NREP: variants seen among roughly 807,000 people sequenced by gnomAD.
NREP encodes neuronal regeneration related protein, also known as neuronal regeneration-related protein.
In NREP, 5 loss-of-function variants were observed where a neutral mutation model predicts 8.6. The ratio of observed to expected loss-of-function variants is 0.58; its 90% CI spans 0.30 to 1.22. The LOEUF (loss-of-function observed/expected upper bound fraction) is 1.22. Among genes scored for constraint, NREP ranks in the 50% most tolerant of loss-of-function variants. The pLI, the probability that NREP is intolerant of heterozygous loss-of-function variation, is 0.07. For missense variants in NREP, 86 were observed against 82.5 expected (o/e 1.04, Z -0.17); for synonymous variants, 27 against 28.0 (o/e 0.96, Z 0.11).
At chr5:111,962,710 C>T (rs1756512754) in intron 2 of NREP, among the ~76,000 whole-genome samples, 1 of 152,148 alleles carries the variant, frequency 6.6e-6, no homozygotes, top group Admixed American at 6.5e-5. Flanking sequence ...TGCCCCATCC[C>T]CCATTCTGTG....
intron 2 of NREP, among the ~76,000 whole-genome samples, chr5:111,945,618 C>T (rs1439360600): frequency 6.6e-6 from 1 of 151,970 alleles, no homozygotes; most frequent in Non-Finnish European, 1.5e-5. Flanking sequence ...AAGTGACATA[C>T]TGTAATCTCA....
intron 2 of NREP, among the ~76,000 whole-genome samples, chr5:111,877,461 T>C (rs1420230090): frequency 6.6e-6 from 1 of 152,206 alleles, no homozygotes; most frequent in South Asian, 2.1e-4. Context: ...CTTCAAAAAA[T>C]AGAGATTTGC....
intron 2 of NREP, among the ~76,000 whole-genome samples, chr5:111,771,182 T>C (rs1486864350): frequency 1.3e-5 from 2 of 152,088 alleles, no homozygotes; most frequent in African/African-American, 2.4e-5. Context: ...ACATGAATGA[T>C]GGAAGGGAAG....
intron 2 of NREP, among the ~76,000 whole-genome samples, chr5:111,794,530 G>A (rs991469521): frequency 2.0e-5 from 3 of 152,108 alleles, no homozygotes; most frequent in African/African-American, 4.8e-5. Flanking sequence ...GAAAAGACGC[G>A]AAGGAAACTT....
chr5:111,815,686 G>T (rs1368245727), intron 2 of NREP, among the ~76,000 whole-genome samples: 5 of 151,718 alleles, frequency 3.3e-5, no homozygotes, highest in African/African-American at 1.2e-4. Flanking sequence ...ATGGAAGATG[G>T]ATCAGTAAAA....
chr5:111,872,849 A>G lies in NREP; in HGVS notation c.135+102425T>C, dbSNP rs142496178. Among the ~76,000 whole-genome samples, 200 of 152,284 alleles carry G rather than the reference A, an allele frequency of 1.3e-3. 2 individuals are homozygous for G. The highest frequency in any genetic ancestry group is 4.7e-3 in the African/African-American group (194 of 41,568). On this transcript the variant is annotated intron_variant, in intron 2 of 3. Coordinates refer to the NREP transcript ENST00000395634. ...GTAGTTAGCCCTAACACTTCTCAGA[A>G]GTTTTCCTGGATTACATTAGCTACC...
intron 2 of NREP, among the ~76,000 whole-genome samples, chr5:111,894,009 G>A (rs1754452101): frequency 6.6e-6 from 1 of 152,074 alleles, no homozygotes; most frequent in South Asian, 2.1e-4. Context: ...CTTGAGGTCA[G>A]GAGTTCAAGA....
rs538461214 is a variant in NREP at position 111,799,710 on chromosome 5, G to C, written c.136-64203C>G. Among the ~76,000 whole-genome samples, 7 of 152,280 alleles carry C rather than the reference G, an allele frequency of 4.6e-5. No individual in the cohort carries two copies. In the South Asian group the frequency reaches 1.2e-3, roughly 27 times the overall value. On this transcript the variant is annotated intron_variant, in intron 2 of 3. Coordinates refer to the NREP transcript ENST00000395634. Reference sequence around the variant, plus strand: ...GTTATTTCCGATTTAAGGCTGCCTAGAGGACATAGTTACTTACTTATGCGT... The same window carrying C: ...GTTATTTCCGATTTAAGGCTGCCTACAGGACATAGTTACTTACTTATGCGT...
intron 2 of NREP, chr5:111,912,816 T>C (rs1400372414): frequency 6.6e-6 from 1 of 152,118 alleles, no homozygotes; most frequent in Non-Finnish European, 1.5e-5. Flanking sequence ...AGTTAATCAA[T>C]AAATGAAGGA....
At chr5:111,766,404 C>G (rs187198497) in intron 2 of NREP, among the ~76,000 whole-genome samples, 1 of 152,290 alleles carries the variant, frequency 6.6e-6, no homozygotes, top group East Asian at 1.9e-4. Flanking sequence ...TGCCTTAAAA[C>G]CTCCAGCTAT....
chr5:111,921,612 T>C (rs1394687943), intron 2 of NREP, among the ~76,000 whole-genome samples: 3 of 152,158 alleles, frequency 2.0e-5, no homozygotes, highest in African/African-American at 7.2e-5. Flanking sequence ...CAATGTCCTT[T>C]AAACTTTTTG....
intron 2 of NREP, among the ~76,000 whole-genome samples, chr5:111,871,168 T>C (rs1279804975): frequency 6.6e-6 from 1 of 151,664 alleles, no homozygotes; most frequent in Non-Finnish European, 1.5e-5. Flanking sequence ...TATCATAGAG[T>C]GTACATACAC....
intron 2 of NREP, among the ~76,000 whole-genome samples, chr5:111,951,283 C>G (rs1756152729): frequency 6.6e-6 from 1 of 151,978 alleles, no homozygotes; most frequent in South Asian, 2.1e-4. Context: ...TAGTGGACAC[C>G]TAGGTTTCTA....
At chr5:111,777,746 T>C (rs1470463836) in intron 2 of NREP, among the ~76,000 whole-genome samples, 1 of 152,034 alleles carries the variant, frequency 6.6e-6, no homozygotes, top group Non-Finnish European at 1.5e-5. Context: ...ACTGGCAAAG[T>C]TCTAGAAATT....
intron 2 of NREP, among the ~76,000 whole-genome samples, chr5:111,773,792 C>T (rs1252059961): frequency 3.3e-5 from 5 of 152,070 alleles, no homozygotes; most frequent in Admixed American, 2.6e-4. Context: ...TTTTGAAAAA[C>T]ACTGTCAAGT....
chr5:111,919,565 C>A (rs767846836), intron 2 of NREP, among the ~76,000 whole-genome samples: 1 of 152,046 alleles, frequency 6.6e-6, no homozygotes, highest in Non-Finnish European at 1.5e-5. Context: ...GAGTTCATAT[C>A]TTTACAGGGA....
intron 2 of NREP, among the ~76,000 whole-genome samples, chr5:111,789,953 A>G (rs571112746): frequency 6.6e-6 from 1 of 152,266 alleles, no homozygotes; most frequent in South Asian, 2.1e-4. Context: ...ATTTATGTAG[A>G]GGAGAAAATA....
intron 2 of NREP, among the ~76,000 whole-genome samples, chr5:111,876,411 T>C (rs140804463): frequency 0.012 from 1,875 of 152,268 alleles, 20 homozygotes; most frequent in Non-Finnish European, 0.018. Flanking sequence ...GTGATGGGGC[T>C]CAGAGAAAAG....
chr5:111,735,312 A>G (rs1749000837), intron 3 of NREP, 118 bp downstream of exon 3: 2 of 620,648 alleles, frequency 3.2e-6, no homozygotes, highest in African/African-American at 3.7e-5. Flanking sequence ...ATAGTATCAG[A>G]TTAATGGATT....
Sources: gnomAD v4.1 joint callset for allele counts (sites outside exome capture counted in the v4.1 genomes callset) on GRCh38, gnomAD v4.1.1 for gene constraint, MANE v1.5 for transcripts, NCBI Gene and HGNC (gene_info 2026-07-23, HGNC 2026-07-21) for gene names.